ARHGAP22: variants seen among roughly 807,000 people sequenced by gnomAD.
ARHGAP22 encodes Rho GTPase activating protein 22, also known as rho GTPase-activating protein 22.
In ARHGAP22, 48 loss-of-function variants were observed where a neutral mutation model predicts 59.1. The ratio of observed to expected loss-of-function variants is 0.81; its 90% confidence interval spans 0.64 to 1.03. The LOEUF (loss-of-function observed/expected upper bound fraction) is 1.03. Among genes scored for constraint, ARHGAP22 ranks in the 50% least tolerant of loss-of-function variants. The probability of loss-of-function intolerance (pLI) is 0.00; values close to 1 mark genes in which losing one functional copy is unlikely to be tolerated. For synonymous variants in ARHGAP22, 445 were observed against 416.4 expected, an observed-to-expected ratio of 1.07 and a Z score of -0.84; for missense variants, 1,015 against 958.7, an observed-to-expected ratio of 1.06 and a Z score of -0.78.
At chr10:48,523,236 C>A (rs2134766894) in intron 3 of ARHGAP22, among the ~76,000 whole-genome samples, 1 of 152,318 alleles carries the variant, frequency 6.6e-6, no homozygotes, top group Non-Finnish European at 1.5e-5. Flanking sequence ...CAAGGCCTTC[C>A]CCAGAGCCTA....
intron 9 of ARHGAP22, among the ~76,000 whole-genome samples, chr10:48,448,042 C>T (rs964777426): frequency 3.9e-5 from 6 of 152,120 alleles, no homozygotes; most frequent in East Asian, 1.9e-4. Context: ...AAGCTCTGCT[C>T]GGCATGGCAC....
intron 1 of ARHGAP22, among the ~76,000 whole-genome samples, chr10:48,599,833 A>C (rs1290748814): frequency 6.6e-6 from 1 of 152,128 alleles, no homozygotes; most frequent in Non-Finnish European, 1.5e-5. Flanking sequence ...TGGCCCCTGC[A>C]CCTAGTGATG....
chr10:48,499,063 G>A (rs1157055067), intron 3 of ARHGAP22, among the ~76,000 whole-genome samples: 2 of 152,172 alleles, frequency 1.3e-5, no homozygotes, highest in South Asian at 2.1e-4. Flanking sequence ...CAGCCACTCC[G>A]GCCAGCGAGC....
intron 9 of ARHGAP22, 83 bp downstream of exon 9, chr10:48,450,178 G>C (rs886798649): frequency 1.2e-5 from 18 of 1,522,246 alleles, no homozygotes; most frequent in Non-Finnish European, 1.6e-5. Flanking sequence ...CAGAGGTTAG[G>C]GGCCGACGCC....
chr10:48,586,306 G>A (rs566203737), intron 1 of ARHGAP22, among the ~76,000 whole-genome samples: 9 of 152,152 alleles, frequency 5.9e-5, no homozygotes, highest in African/African-American at 1.9e-4. Flanking sequence ...GCCTCAGTTT[G>A]CCAGTCAGAA....
At chr10:48,521,464 T>C (rs773217340) in intron 3 of ARHGAP22, among the ~76,000 whole-genome samples, 2 of 152,250 alleles carry the variant, frequency 1.3e-5, no homozygotes, top group Non-Finnish European at 2.9e-5. Context: ...CTTTATCAAG[T>C]AGATTTTTAC....
At chr10:48,640,145 CAG>C (rs2136149243) in intron 1 of ARHGAP22, among the ~76,000 whole-genome samples, 1 of 152,196 alleles carries the variant, frequency 6.6e-6, no homozygotes, top group South Asian at 2.1e-4. Context: ...AATGTAAAGA[CAG>C]AGTTATCGAA....
intron 2 of ARHGAP22, among the ~76,000 whole-genome samples, chr10:48,561,669 G>A (rs1590193927): frequency 6.6e-6 from 1 of 152,094 alleles, no homozygotes. Context: ...TAAATAAAGA[G>A]GCAAAAGATT....
At chr10:48,562,181 G>A (rs1163793200) in intron 2 of ARHGAP22, among the ~76,000 whole-genome samples, 3 of 150,592 alleles carry the variant, frequency 2.0e-5, no homozygotes, top group Admixed American at 6.6e-5. Context: ...AGCTGAGATC[G>A]AGCCACTGCA....
chr10:48,610,935 C>T (rs2060859763), intron 1 of ARHGAP22, among the ~76,000 whole-genome samples: 1 of 152,214 alleles, frequency 6.6e-6, no homozygotes, highest in Admixed American at 6.5e-5. Flanking sequence ...TTTTCAGAAG[C>T]AGGCTCAGAG....
At chr10:48,630,088 G>A (rs540864802) in intron 1 of ARHGAP22, among the ~76,000 whole-genome samples, 30 of 132,524 alleles carry the variant, frequency 2.3e-4, no homozygotes, top group African/African-American at 6.6e-4. Context: ...AAGTTAGAAA[G>A]AAGTGACTTT....
chr10:48,478,504 G>A (rs748942019), intron 4 of ARHGAP22, among the ~76,000 whole-genome samples: 5 of 152,190 alleles, frequency 3.3e-5, no homozygotes, highest in Non-Finnish European at 5.9e-5. Context: ...AGCCCCAAAA[G>A]GTGAGTCCCT....
At chr10:48,618,842 C>T (rs1420019911) in intron 1 of ARHGAP22, among the ~76,000 whole-genome samples, 7 of 152,016 alleles carry the variant, frequency 4.6e-5, no homozygotes, top group Non-Finnish European at 8.8e-5. Context: ...GAAGACCTAG[C>T]CTGAGCAATT....
chr10:48,547,806 C>T (rs962661139), intron 3 of ARHGAP22, among the ~76,000 whole-genome samples: 3 of 152,252 alleles, frequency 2.0e-5, no homozygotes, highest in African/African-American at 4.8e-5. Context: ...AAAGGCATCC[C>T]GTCCTGGCCC....
At chr10:48,649,990 G>A (rs1439015872) in intron 1 of ARHGAP22, among the ~76,000 whole-genome samples, 1 of 151,736 alleles carries the variant, frequency 6.6e-6, no homozygotes, top group Admixed American at 6.6e-5. Context: ...GACGGAGGGA[G>A]GGAGGGAGGG....
At chr10:48,539,585 C>T (rs1429189628) in intron 3 of ARHGAP22, among the ~76,000 whole-genome samples, 1 of 152,120 alleles carries the variant, frequency 6.6e-6, no homozygotes, top group Non-Finnish European at 1.5e-5. Flanking sequence ...GCCACCACGC[C>T]CGGCCAACAT....
intron 3 of ARHGAP22, among the ~76,000 whole-genome samples, chr10:48,518,291 C>T (rs971364581): frequency 3.9e-5 from 6 of 152,130 alleles, no homozygotes; most frequent in African/African-American, 1.4e-4. Flanking sequence ...TGCCACCTCG[C>T]CTGGCCTCTG....
At chr10:48,520,863 C>T (rs947837946) in intron 3 of ARHGAP22, among the ~76,000 whole-genome samples, 5 of 152,134 alleles carry the variant, frequency 3.3e-5, no homozygotes, top group Non-Finnish European at 7.3e-5. Flanking sequence ...ATCTAAGGGC[C>T]TACCAGTCCG....
chr10:48,506,455 A>G (rs1405085088), intron 3 of ARHGAP22, among the ~76,000 whole-genome samples: 1 of 152,228 alleles, frequency 6.6e-6, no homozygotes, highest in Non-Finnish European at 1.5e-5. Flanking sequence ...CAATACTATA[A>G]TAGGATCACT....
Sources: gnomAD v4.1 joint callset for allele counts (sites outside exome capture counted in the v4.1 genomes callset) on GRCh38, gnomAD v4.1.1 for gene constraint, MANE v1.5 for transcripts, NCBI Gene and HGNC (gene_info 2026-07-23, HGNC 2026-07-21) for gene names.